Variants in CHN1 observed in about 807,000 individuals in gnomAD.
CHN1 encodes the protein N-chimaerin.
A neutral mutation model predicts 59.5 loss-of-function variants in CHN1; 37 were observed. The ratio of observed to expected loss-of-function variants is 0.62; its 90% confidence interval spans 0.48 to 0.82. The LOEUF (loss-of-function observed/expected upper bound fraction) is 0.82, where lower values mean the gene tolerates loss of function less well. Among genes scored for constraint, CHN1 ranks in the 40% least tolerant of loss-of-function variants. The probability of loss-of-function intolerance (pLI) is 0.00; values close to 1 mark genes in which losing one functional copy is unlikely to be tolerated. For synonymous variants in CHN1, 206 were observed against 200.4 expected (o/e 1.03, Z -0.24); for missense variants, 469 against 571.0 (o/e 0.82, Z 1.82).
chr2:174,871,830 CTTT>C (rs1687418591), intron 6 of CHN1, among the ~76,000 whole-genome samples: 1 of 152,162 alleles, frequency 6.6e-6, no homozygotes, highest in African/African-American at 2.4e-5. Context: ...TCTTCAACAT[CTTT>C]TATTTCCTCC....
At chr2:174,968,942 T>C (rs1690672606) in intron 1 of CHN1, among the ~76,000 whole-genome samples, 4 of 152,232 alleles carry the variant, frequency 2.6e-5, no homozygotes, top group African/African-American at 2.4e-5. Flanking sequence ...TGTAAGAATA[T>C]TTAGTCTTTA....
At chr2:174,912,411 C>T (rs1269674105) in intron 5 of CHN1, among the ~76,000 whole-genome samples, 1 of 152,040 alleles carries the variant, frequency 6.6e-6, no homozygotes, top group Non-Finnish European at 1.5e-5. Flanking sequence ...ATGTGACCAG[C>T]TAATAAAGGA....
chr2:174,845,207 C>T (rs757641583), intron 7 of CHN1, among the ~76,000 whole-genome samples: 1 of 152,146 alleles, frequency 6.6e-6, no homozygotes, highest in Non-Finnish European at 1.5e-5. Flanking sequence ...TGACCTAGCA[C>T]TCAAATGGCA....
intron 2 of CHN1, among the ~76,000 whole-genome samples, chr2:174,949,727 A>G (rs1235890482): frequency 6.6e-6 from 1 of 152,142 alleles, no homozygotes; most frequent in Non-Finnish European, 1.5e-5. Flanking sequence ...GAAGATTAAT[A>G]TCATAATCTT....
chr2:174,971,857 T>C (rs1306745235), intron 1 of CHN1, among the ~76,000 whole-genome samples: 1 of 152,120 alleles, frequency 6.6e-6, no homozygotes, highest in Non-Finnish European at 1.5e-5. Flanking sequence ...ACATCTAAAA[T>C]TATCAAGGCA....
intron 1 of CHN1, among the ~76,000 whole-genome samples, chr2:174,952,531 AT>A (rs1279447514): frequency 2.0e-5 from 3 of 152,174 alleles, no homozygotes; most frequent in Non-Finnish European, 4.4e-5. Flanking sequence ...CTTAATGATT[AT>A]TTCACTGAAA....
chr2:174,820,417 C>CT (rs1290290975), intron 8 of CHN1, among the ~76,000 whole-genome samples: 1 of 152,134 alleles, frequency 6.6e-6, no homozygotes, highest in African/African-American at 2.4e-5. Context: ...CTCTGATGGC[C>CT]AGTGATGATG....
In CHN1 at chr2:174,877,829, T is replaced by G. The variant is rs955876106; in HGVS notation, c.549+11A>C. ...CAGAAAAAGATAAAGTGTGGTTTCA[T>G]AGTAGCTTACCCTTTTCTCTGACAC... On this transcript the variant is annotated intron_variant, in intron 6 of 12. Coordinates refer to ENST00000409900, the MANE Select transcript of CHN1 (RefSeq NM_001822.7). 2.5e-6 allele frequency: 4 copies of G among 1,603,458 alleles called. No homozygotes were observed. Among genetic ancestry groups the G allele is most frequent in the Non-Finnish European group, 3.4e-6 (4 of 1,174,260 alleles).
intron 7 of CHN1, among the ~76,000 whole-genome samples, chr2:174,843,712 A>C (rs1043608722): frequency 1.2e-4 from 18 of 151,584 alleles, no homozygotes; most frequent in South Asian, 2.1e-4. Context: ...AAAAAAAAAA[A>C]CCCACTTAGG....
chr2:174,916,103 C>T (rs1230179056), intron 4 of CHN1, among the ~76,000 whole-genome samples: 2 of 152,158 alleles, frequency 1.3e-5, no homozygotes, highest in Non-Finnish European at 2.9e-5. Flanking sequence ...CAACTGTTAC[C>T]AATGTCCTCC....
intron 8 of CHN1, among the ~76,000 whole-genome samples, chr2:174,812,852 T>C (rs775982720): frequency 5.3e-5 from 8 of 152,196 alleles, no homozygotes; most frequent in Admixed American, 1.3e-4. Flanking sequence ...TGGGGTATAA[T>C]TGCATTTTAA....
intron 1 of CHN1, among the ~76,000 whole-genome samples, chr2:174,974,096 G>T (rs762338018): frequency 6.6e-6 from 1 of 152,020 alleles, no homozygotes; most frequent in African/African-American, 2.4e-5. Flanking sequence ...AAAATACCGT[G>T]ACAATGCCAA....
chr2:174,824,946 A>G (rs1685637017), intron 7 of CHN1, among the ~76,000 whole-genome samples: 1 of 152,214 alleles, frequency 6.6e-6, no homozygotes. Flanking sequence ...GGCTGCATTT[A>G]AAAGAACCTT....
chr2:174,976,598 G>GT (rs1690949840), intron 1 of CHN1, among the ~76,000 whole-genome samples: 1 of 152,126 alleles, frequency 6.6e-6, no homozygotes, highest in African/African-American at 2.4e-5. Context: ...GACTTCAAAA[G>GT]TATCTTCATT....
chr2:174,811,661 T>C, intron 9 of CHN1, 73 bp from the exon 10 acceptor site: 1 of 833,636 alleles, frequency 1.2e-6, no homozygotes, highest in Non-Finnish European at 1.9e-6. Flanking sequence ...CACTTTAAGC[T>C]GGGAGGTAAT....
At chr2:174,943,915 G>A (rs1689748608) in intron 3 of CHN1, among the ~76,000 whole-genome samples, 1 of 152,122 alleles carries the variant, frequency 6.6e-6, no homozygotes, top group Non-Finnish European at 1.5e-5. Flanking sequence ...CCTGTGCCTA[G>A]CTAAGTGTTG....
intron 8 of CHN1, among the ~76,000 whole-genome samples, chr2:174,817,889 G>C (rs942113855): frequency 4.8e-4 from 73 of 152,060 alleles, no homozygotes; most frequent in Non-Finnish European, 6.5e-4. Context: ...CTCCCGCCTT[G>C]GCCTCCCAAA....
At chr2:174,814,785 C>T (rs1391835331) in intron 8 of CHN1, among the ~76,000 whole-genome samples, 1 of 152,142 alleles carries the variant, frequency 6.6e-6, no homozygotes, top group Non-Finnish European at 1.5e-5. Flanking sequence ...CTAAAAATTT[C>T]ATATTTGTCA....
chr2:174,822,141 G>A lies in CHN1; in HGVS notation c.712+2293C>T, dbSNP rs1685519409. On this transcript the variant is annotated intron_variant, in intron 8 of 12. Transcript: ENST00000409900. ...GAATGAATTCAAATTCCAACCCTCC[G>A]TGTTTTCAAAATGAGTTGACTTGTG... Among the ~76,000 whole-genome samples, 7 of 152,224 alleles carry A rather than the reference G, an allele frequency of 4.6e-5. No homozygotes were observed. In the South Asian group the frequency reaches 1.5e-3, roughly 32 times the overall value.
Sources: gnomAD v4.1 joint callset for allele counts (sites outside exome capture counted in the v4.1 genomes callset) on GRCh38, gnomAD v4.1.1 for gene constraint, MANE v1.5 for transcripts, NCBI Gene and HGNC (gene_info 2026-07-23, HGNC 2026-07-21) for gene names.